ETV6: variants seen among roughly 807,000 people sequenced by gnomAD.
ETV6 encodes the protein transcription factor ETV6.
A neutral mutation model predicts 51.1 loss-of-function variants in ETV6; 16 were observed. The observed-to-expected ratio is 0.31, with a 90% CI of 0.21 to 0.48. ETV6 has a LOEUF of 0.48. Ranked by LOEUF, ETV6 falls within the 20% of genes least tolerant of loss-of-function variation. The pLI is 0.99. For missense variants in ETV6, 458 were observed against 594.8 expected, an observed-to-expected ratio of 0.77 and a Z score of 2.39; for synonymous variants, 240 against 224.1, an observed-to-expected ratio of 1.07 and a Z score of -0.64.
intron 2 of ETV6, among the ~76,000 whole-genome samples, chr12:11,812,996 C>G (rs1474144077): frequency 6.6e-6 from 1 of 152,164 alleles, no homozygotes; most frequent in East Asian, 1.9e-4. Flanking sequence ...TGACCCGGTG[C>G]TGGGGAGGGA....
chr12:11,668,783 T>G (rs2724590), intron 1 of ETV6, among the ~76,000 whole-genome samples: 105,682 of 152,124 alleles, frequency 0.69, 42,498 homozygotes, highest in Non-Finnish European at 0.87. Flanking sequence ...CCAGGTGTGC[T>G]ACCTCTGTTA....
At chr12:11,671,869 G>A (rs554035002) in intron 1 of ETV6, among the ~76,000 whole-genome samples, 7 of 151,662 alleles carry the variant, frequency 4.6e-5, no homozygotes, top group Middle Eastern at 3.4e-3. Context: ...AATCTTATTC[G>A]TGTGAAAAAC....
At chr12:11,833,738 C>T (rs1435844587) in intron 2 of ETV6, among the ~76,000 whole-genome samples, 2 of 152,160 alleles carry the variant, frequency 1.3e-5, no homozygotes, top group Non-Finnish European at 2.9e-5. Context: ...TTTAGAATGA[C>T]TCCTGGCACA....
chr12:11,762,593 G>A (rs1028889753), intron 2 of ETV6, among the ~76,000 whole-genome samples: 2 of 152,186 alleles, frequency 1.3e-5, no homozygotes, highest in Non-Finnish European at 2.9e-5. Context: ...AGGGAATGAA[G>A]GCTTTCAGCT....
chr12:11,669,203 A>T (rs1159132354), intron 1 of ETV6, among the ~76,000 whole-genome samples: 1 of 152,192 alleles, frequency 6.6e-6, no homozygotes, highest in Non-Finnish European at 1.5e-5. Flanking sequence ...TCATAGTAGA[A>T]CTCTTTAACC....
chr12:11,830,841 A>G (rs1311941684), intron 2 of ETV6, among the ~76,000 whole-genome samples: 1 of 152,230 alleles, frequency 6.6e-6, no homozygotes, highest in Non-Finnish European at 1.5e-5. Context: ...AGCATTGCTA[A>G]TTTGCACTCA....
chr12:11,675,315 A>G (rs923456533), intron 1 of ETV6, among the ~76,000 whole-genome samples: 1 of 152,246 alleles, frequency 6.6e-6, no homozygotes, highest in South Asian at 2.1e-4. Flanking sequence ...CAAATAAACA[A>G]AAAGCCCCTG....
chr12:11,666,041 G>C (rs1165911068), intron 1 of ETV6, among the ~76,000 whole-genome samples: 1 of 152,138 alleles, frequency 6.6e-6, no homozygotes, highest in Admixed American at 6.5e-5. Flanking sequence ...AGAACCAGTG[G>C]CTGTTTGTTG....
At chr12:11,853,406 C>T (rs1946585644) in intron 3 of ETV6, 21 bp from the exon 4 acceptor site, 1 of 1,613,764 alleles carries the variant, frequency 6.2e-7, no homozygotes, top group African/African-American at 1.3e-5. Context: ...TTCTCGATTT[C>T]CCTTTCCTTT....
intron 1 of ETV6, among the ~76,000 whole-genome samples, chr12:11,744,811 T>A (rs181424078): frequency 2.0e-5 from 3 of 152,228 alleles, no homozygotes; most frequent in Admixed American, 2.0e-4. Flanking sequence ...CTGGGCCACC[T>A]TCATAGACCT....
intron 2 of ETV6, among the ~76,000 whole-genome samples, chr12:11,775,493 G>C (rs1945308442): frequency 6.6e-6 from 1 of 152,150 alleles, no homozygotes; most frequent in Non-Finnish European, 1.5e-5. Context: ...TACATCTTCA[G>C]CAAATATTAA....
At chr12:11,784,428 G>C (rs1044438343) in intron 2 of ETV6, among the ~76,000 whole-genome samples, 8 of 146,950 alleles carry the variant, frequency 5.4e-5, no homozygotes, top group Non-Finnish European at 1.2e-4. Flanking sequence ...CACTGCACTC[G>C]CGCCTGGGTG....
At chr12:11,745,163 C>G (rs1865884534) in intron 1 of ETV6, among the ~76,000 whole-genome samples, 1 of 152,190 alleles carries the variant, frequency 6.6e-6, no homozygotes, top group African/African-American at 2.4e-5. Flanking sequence ...TTATTTGGAG[C>G]TGTTCTACCC....
chr12:11,888,685 G>A (rs1947242610), intron 7 of ETV6, among the ~76,000 whole-genome samples: 2 of 152,050 alleles, frequency 1.3e-5, no homozygotes, highest in African/African-American at 4.8e-5. Context: ...TTACAGATGT[G>A]AGCCACTGTG....
intron 7 of ETV6, among the ~76,000 whole-genome samples, chr12:11,888,599 C>T (rs536137489): frequency 2.4e-4 from 37 of 152,272 alleles, no homozygotes; most frequent in East Asian, 9.6e-4. Context: ...GACAGGGTTT[C>T]GCCATGTTGG....
intron 1 of ETV6, among the ~76,000 whole-genome samples, chr12:11,710,124 TG>T (rs1210622666): frequency 6.6e-6 from 1 of 152,214 alleles, no homozygotes; most frequent in African/African-American, 2.4e-5. Context: ...GCCTACACCA[TG>T]GAAGAGAAAC....
intron 1 of ETV6, among the ~76,000 whole-genome samples, chr12:11,700,500 T>C (rs1864958962): frequency 6.6e-6 from 1 of 152,214 alleles, no homozygotes; most frequent in Non-Finnish European, 1.5e-5. Context: ...GAGTTATGTA[T>C]ATAACTTCTG....
chr12:11,738,289 G>T (rs1207487730), intron 1 of ETV6, among the ~76,000 whole-genome samples: 42 of 109,808 alleles, frequency 3.8e-4, no homozygotes, highest in African/African-American at 1.3e-3. Context: ...CTCTCTCTCT[G>T]TTTTTTGTTT....
At chr12:11,750,414 G>T (rs1326817501) in intron 1 of ETV6, among the ~76,000 whole-genome samples, 1 of 152,158 alleles carries the variant, frequency 6.6e-6, no homozygotes, top group East Asian at 1.9e-4. Context: ...GGATGAGGCG[G>T]CCTCACTCTC....
Sources: allele counts gnomAD v4.1 joint callset (sites outside exome capture counted in the v4.1 genomes callset), GRCh38; gene constraint gnomAD v4.1.1; transcripts MANE v1.5; gene names NCBI Gene and HGNC (gene_info 2026-07-23, HGNC 2026-07-21).